The following OXR1 variants were observed in gnomAD, a reference collection of about 807,000 sequenced individuals.
OXR1 encodes oxidation resistance 1.
In OXR1, 41 loss-of-function variants were observed where a neutral mutation model predicts 104.6. That is an observed-to-expected ratio of 0.39 (90% CI 0.31 to 0.51). OXR1 has a LOEUF of 0.51. Among genes scored for constraint, OXR1 ranks in the 20% least tolerant of loss-of-function variants. The probability of loss-of-function intolerance (pLI) is 0.77; values close to 1 mark genes in which losing one functional copy is unlikely to be tolerated. For missense variants in OXR1, 955 were observed against 1,031.9 expected (o/e 0.93, Z 1.02); for synonymous variants, 348 against 348.4 (o/e 1.00, Z 0.01).
At chr8:106,363,456 C>G (rs113924424) in intron 2 of OXR1, among the ~76,000 whole-genome samples, 8 of 151,614 alleles carry the variant, frequency 5.3e-5, no homozygotes, top group Non-Finnish European at 8.8e-5. Flanking sequence ...TCAAACACTA[C>G]AGAAAAATTA....
At chr8:106,360,758 G>A (rs1372957481) in intron 2 of OXR1, among the ~76,000 whole-genome samples, 4 of 152,052 alleles carry the variant, frequency 2.6e-5, no homozygotes, top group Non-Finnish European at 5.9e-5. Flanking sequence ...TTTTAAAAAT[G>A]TAATTTTTGT....
chr8:106,298,395 T>G (rs936582920), intron 1 of OXR1, among the ~76,000 whole-genome samples: 3 of 152,106 alleles, frequency 2.0e-5, no homozygotes, highest in African/African-American at 7.2e-5. Flanking sequence ...TTGTGAGACT[T>G]ATTCACTATC....
chr8:106,717,198 TAAATA>T (rs1355271418), intron 11 of OXR1, among the ~76,000 whole-genome samples: 2 of 151,944 alleles, frequency 1.3e-5, no homozygotes, highest in African/African-American at 4.8e-5. Flanking sequence ...AAAAAATAAA[TAAATA>T]AAATAAAAAT....
Position 106,710,727 on chromosome 8 carries a change from C to T in OXR1, c.1730C>T (p.Thr577Ile). 6.2e-7 allele frequency: 1 copy of T among 1,602,984 alleles called. No homozygotes were observed. Among genetic ancestry groups the T allele is most frequent in the Non-Finnish European group, 8.5e-7 (1 of 1,173,940 alleles). Residue 577 changes from threonine (T) to isoleucine (I), a missense_variant, in exon 10 of 17, where the codon ACA becomes ATA. By Grantham distance (89) the Thr-to-Ile change is moderately conservative. This residue lies in a region of OXR1 where 849 missense variants were observed against 852.9 expected (regional missense o/e 1.00). Transcript: ENST00000517566. ...ACGTTTGTATCTCAAGCAAGTGCTACAATGCAACAGTATGCACAGAGAGAT... is the reference window on the plus strand; with the variant it reads ...ACGTTTGTATCTCAAGCAAGTGCTATAATGCAACAGTATGCACAGAGAGAT... The part of the protein sequence containing the change: ...RKTFVSQASA[T>I]MQQYAQRDKK...
intron 2 of OXR1, among the ~76,000 whole-genome samples, chr8:106,491,595 T>C (rs1347259746): frequency 6.6e-6 from 1 of 152,182 alleles, no homozygotes; most frequent in Non-Finnish European, 1.5e-5. Context: ...AATTTCTAGT[T>C]TTCAAGCCTG....
In OXR1 at chr8:106,373,674, C is replaced by T. The variant is rs900291325; in HGVS notation, c.23+14038C>T. On this transcript the variant is annotated intron_variant, in intron 2 of 16. Transcript: ENST00000517566. Reference sequence around the variant, plus strand: ...GCATGATCTTAGCTCACTGCAACCTCGACCTCCGAGGTTCAAGTGATTCTC... The same window carrying T: ...GCATGATCTTAGCTCACTGCAACCTTGACCTCCGAGGTTCAAGTGATTCTC... 3.3e-5 allele frequency among the ~76,000 whole-genome samples: 5 copies of T among 152,138 alleles called. No homozygotes were observed. The South Asian group carries it at 6.2e-4, about 19-fold the overall frequency.
At chr8:106,398,935 A>AT (rs1248266450) in intron 2 of OXR1, among the ~76,000 whole-genome samples, 11 of 152,142 alleles carry the variant, frequency 7.2e-5, no homozygotes, top group South Asian at 4.1e-4. Flanking sequence ...ACATCTGGGG[A>AT]TTTTTTTCTC....
At chr8:106,284,260 T>G (rs532088943) in intron 1 of OXR1, among the ~76,000 whole-genome samples, 36 of 152,050 alleles carry the variant, frequency 2.4e-4, no homozygotes, top group African/African-American at 8.7e-4. Context: ...CTGCCTAGTT[T>G]GAAGGCCACT....
intron 6 of OXR1, among the ~76,000 whole-genome samples, chr8:106,684,980 A>C (rs1168381741): frequency 6.6e-6 from 1 of 152,064 alleles, no homozygotes; most frequent in Non-Finnish European, 1.5e-5. Flanking sequence ...TGATATTATT[A>C]ATAACTATTT....
intron 2 of OXR1, among the ~76,000 whole-genome samples, chr8:106,498,957 TCGAG>T (rs1811592375): frequency 1.4e-5 from 1 of 72,524 alleles, no homozygotes; most frequent in African/African-American, 5.4e-5. Flanking sequence ...GGTCGGGAGA[TCGAG>T]ACCATCCTGG....
chr8:106,649,736 G>A (rs909760434), intron 3 of OXR1, among the ~76,000 whole-genome samples: 6 of 151,378 alleles, frequency 4.0e-5, no homozygotes, highest in Non-Finnish European at 5.9e-5. Context: ...TCGCTCTGTC[G>A]CCCAGGCTGG....
chr8:106,417,635 T>A (rs928833281), intron 2 of OXR1, among the ~76,000 whole-genome samples: 1 of 152,096 alleles, frequency 6.6e-6, no homozygotes, highest in Non-Finnish European at 1.5e-5. Context: ...CACAGAAAAA[T>A]GTCTTAAGTT....
intron 3 of OXR1, chr8:106,520,608 G>T (rs1437894407): frequency 6.6e-6 from 1 of 152,110 alleles, no homozygotes; most frequent in Non-Finnish European, 1.5e-5. Flanking sequence ...CCATAGTCAG[G>T]TAATGAGAAT....
chr8:106,399,332 C>A (rs1463407512), intron 2 of OXR1, among the ~76,000 whole-genome samples: 1 of 152,184 alleles, frequency 6.6e-6, no homozygotes, highest in African/African-American at 2.4e-5. Context: ...GTGACAATAG[C>A]AATCCTAGCA....
intron 2 of OXR1, among the ~76,000 whole-genome samples, chr8:106,385,496 T>C (rs571743222): frequency 6.6e-6 from 1 of 152,230 alleles, no homozygotes; most frequent in East Asian, 1.9e-4. Flanking sequence ...TATGCAATTG[T>C]AACTAACATG....
intron 3 of OXR1, among the ~76,000 whole-genome samples, chr8:106,652,771 T>C (rs1824708206): frequency 6.6e-6 from 1 of 151,664 alleles, no homozygotes; most frequent in Non-Finnish European, 1.5e-5. Flanking sequence ...TTATAAAGAT[T>C]AGCATGGATA....
intron 1 of OXR1, among the ~76,000 whole-genome samples, chr8:106,277,098 C>A (rs1812078741): frequency 6.6e-6 from 1 of 152,076 alleles, no homozygotes; most frequent in African/African-American, 2.4e-5. Flanking sequence ...GTATGTTGTT[C>A]ATTGTAAAAT....
chr8:106,470,584 G>A (rs1001079221), intron 2 of OXR1, among the ~76,000 whole-genome samples: 1 of 151,722 alleles, frequency 6.6e-6, no homozygotes, highest in Non-Finnish European at 1.5e-5. Flanking sequence ...AGGTTTTTGA[G>A]AATTTTGGAG....
chr8:106,568,235 G>T (rs904094989), intron 3 of OXR1, among the ~76,000 whole-genome samples: 1 of 152,092 alleles, frequency 6.6e-6, no homozygotes, highest in African/African-American at 2.4e-5. Context: ...ACCTTTGCCT[G>T]AGCTACTTCA....
Sources: allele counts gnomAD v4.1 joint callset (sites outside exome capture counted in the v4.1 genomes callset), GRCh38; gene constraint gnomAD v4.1.1; regional missense constraint gnomAD v4.1.1; transcripts MANE v1.5; gene names NCBI Gene and HGNC (gene_info 2026-07-23, HGNC 2026-07-21).